Variants in SLMAP observed in about 807,000 individuals in gnomAD.
SLMAP encodes the protein sarcolemma associated protein.
In SLMAP, 44 loss-of-function variants were observed where a neutral mutation model predicts 128.8. The observed-to-expected ratio is 0.34, with a 90% CI of 0.27 to 0.44. The LOEUF (loss-of-function observed/expected upper bound fraction) is 0.44. Ranked by LOEUF, SLMAP falls within the 20% of genes least tolerant of loss-of-function variation. SLMAP has a pLI of 1.00. For synonymous variants in SLMAP, 327 were observed against 348.8 expected (o/e 0.94, Z 0.70); for missense variants, 787 against 985.3 (o/e 0.80, Z 2.69).
chr3:57,896,007 C>T (rs2096236251), intron 15 of SLMAP, among the ~76,000 whole-genome samples: 1 of 149,806 alleles, frequency 6.7e-6, no homozygotes, highest in African/African-American at 2.4e-5. Flanking sequence ...AAATAAAAGG[C>T]TGTTAATTTT....
intron 2 of SLMAP, among the ~76,000 whole-genome samples, chr3:57,808,009 G>A (rs968826323): frequency 1.3e-5 from 2 of 152,104 alleles, no homozygotes; most frequent in Non-Finnish European, 2.9e-5. Context: ...GAGGGTGTAT[G>A]TGTCCAGGAC....
chr3:57,873,608 G>A (rs1458322781), intron 14 of SLMAP, among the ~76,000 whole-genome samples: 1 of 152,152 alleles, frequency 6.6e-6, no homozygotes, highest in Non-Finnish European at 1.5e-5. Context: ...ATTTTCATGG[G>A]AAATTGGCAC....
intron 4 of SLMAP, among the ~76,000 whole-genome samples, chr3:57,841,891 T>G (rs2093953978): frequency 6.6e-6 from 1 of 152,154 alleles, no homozygotes; most frequent in Non-Finnish European, 1.5e-5. Flanking sequence ...AGGCCGACAT[T>G]TGAAAGGGAA....
chr3:57,761,646 T>A (rs2078657840), intron 2 of SLMAP, among the ~76,000 whole-genome samples: 1 of 152,186 alleles, frequency 6.6e-6, no homozygotes, highest in Non-Finnish European at 1.5e-5. Flanking sequence ...TTGTCTAAAT[T>A]GGCAGTTTAC....
chr3:57,792,954 T>A (rs2085851544), intron 2 of SLMAP, among the ~76,000 whole-genome samples: 1 of 151,984 alleles, frequency 6.6e-6, no homozygotes, highest in Non-Finnish European at 1.5e-5. Flanking sequence ...CTGGGCAACA[T>A]GGCAAAACCC....
chr3:57,879,109 T>C (rs754408225), intron 14 of SLMAP, among the ~76,000 whole-genome samples: 2 of 152,206 alleles, frequency 1.3e-5, no homozygotes, highest in Non-Finnish European at 2.9e-5. Context: ...CCTCCCAATT[T>C]GGCCTTTCAA....
At position 57,777,895 on chromosome 3, in the gene SLMAP, C is replaced by G. The variant is rs532096177; in HGVS notation, c.198+20046C>G. 5.3e-5 allele frequency among the ~76,000 whole-genome samples: 8 copies of G among 152,316 alleles called. No homozygotes were observed. The East Asian group carries it at 1.5e-3, about 29-fold the overall frequency. On this transcript the variant is annotated intron_variant, in intron 2 of 24. Transcript: ENST00000671191. The stretch of plus-strand genomic sequence containing the variant: ...GATACCGTAGAGCAGTAGCAACTCT[C>G]ATACTTTGTTGTTGATATGGTGAAT...
At position 57,896,951 on chromosome 3, in the gene SLMAP, A is replaced by G; in HGVS notation, c.1501+19A>G. The G allele has an allele frequency of 6.2e-7, 1 of 1,613,354 alleles. No homozygotes were observed. The highest frequency in any genetic ancestry group is 8.5e-7 in the Non-Finnish European group (1 of 1,179,762). ...TTAAAAGGTACTTTAACATGTTTTT[A>G]TGACATCGTAAACCAGGGTATCAAA... is the stretch of plus-strand genomic sequence containing the variant. On this transcript the variant is annotated intron_variant, in intron 17 of 24. Coordinates refer to ENST00000671191, the MANE Select transcript of SLMAP (RefSeq NM_001377540.1).
At chr3:57,853,974 TA>T (rs2094621911) in intron 6 of SLMAP, among the ~76,000 whole-genome samples, 1 of 98,542 alleles carries the variant, frequency 1.0e-5, no homozygotes, top group South Asian at 2.8e-4. Context: ...TATATATATA[TA>T]TATATATATA....
chr3:57,869,186 G>A (rs1205839063), intron 13 of SLMAP, among the ~76,000 whole-genome samples: 3 of 150,570 alleles, frequency 2.0e-5, no homozygotes, highest in African/African-American at 7.3e-5. Flanking sequence ...TCTGATGTTC[G>A]AGGACAGGAA....
intron 13 of SLMAP, among the ~76,000 whole-genome samples, chr3:57,868,322 A>G (rs1399783767): frequency 1.3e-5 from 2 of 152,126 alleles, no homozygotes; most frequent in African/African-American, 4.8e-5. Flanking sequence ...TGCTGGGCAA[A>G]GTAGCTTGCT....
At chr3:57,905,983 G>A (rs998531583) in intron 17 of SLMAP, among the ~76,000 whole-genome samples, 18 of 147,588 alleles carry the variant, frequency 1.2e-4, no homozygotes, top group African/African-American at 4.3e-4. Flanking sequence ...AATTAATGTC[G>A]ATGTTTTTGT....
At chr3:57,845,992 C>T (rs964370830) in intron 4 of SLMAP, among the ~76,000 whole-genome samples, 2 of 152,114 alleles carry the variant, frequency 1.3e-5, no homozygotes, top group Non-Finnish European at 2.9e-5. Context: ...CAGGCACATG[C>T]CACCGCACCT....
At chr3:57,812,827 T>C (rs2091228696) in intron 2 of SLMAP, among the ~76,000 whole-genome samples, 1 of 151,826 alleles carries the variant, frequency 6.6e-6, no homozygotes, top group African/African-American at 2.4e-5. Context: ...AATTTTTCCT[T>C]TTTTTTTCTT....
chr3:57,891,060 G>C (rs1031480524), intron 15 of SLMAP: 1 of 152,092 alleles, frequency 6.6e-6, no homozygotes, highest in African/African-American at 2.4e-5. Flanking sequence ...TTTCAGAACA[G>C]TGAACTATTT....
At chr3:57,847,967 A>G (rs1269299898) in intron 5 of SLMAP, among the ~76,000 whole-genome samples, 1 of 152,230 alleles carries the variant, frequency 6.6e-6, no homozygotes, top group East Asian at 1.9e-4. Flanking sequence ...ACCAAAGATT[A>G]TTCAGAAGTA....
intron 19 of SLMAP, 142 bp from the exon 20 acceptor site, chr3:57,912,239 T>G: frequency 3.3e-6 from 2 of 600,562 alleles, no homozygotes; most frequent in Non-Finnish European, 2.8e-6. Context: ...ATTTTGACGC[T>G]TTCTGCATCA....
chr3:57,790,743 T>C (rs2085288537), intron 2 of SLMAP, among the ~76,000 whole-genome samples: 1 of 152,206 alleles, frequency 6.6e-6, no homozygotes, highest in Admixed American at 6.5e-5. Context: ...AATAAGGTCA[T>C]GTATATGGAA....
intron 18 of SLMAP, 125 bp downstream of exon 18, chr3:57,908,131 G>A: frequency 1.2e-6 from 1 of 864,318 alleles, no homozygotes; most frequent in Admixed American, 2.8e-5. Flanking sequence ...ATGTGATCTT[G>A]GTATATTTAC....
Sources: gnomAD v4.1 joint callset for allele counts (sites outside exome capture counted in the v4.1 genomes callset) on GRCh38, gnomAD v4.1.1 for gene constraint, MANE v1.5 for transcripts, NCBI Gene and HGNC (gene_info 2026-07-23, HGNC 2026-07-21) for gene names.